Variants in RYR2 observed in about 807,000 individuals in gnomAD.
RYR2 encodes cardiac muscle ryanodine receptor-calcium release channel.
In RYR2, 227 loss-of-function variants were observed where a neutral mutation model predicts 601.1. The observed-to-expected ratio is 0.38, with a 90% confidence interval of 0.34 to 0.42. The LOEUF (loss-of-function observed/expected upper bound fraction) is 0.42, where lower values mean the gene tolerates loss of function less well. Among genes scored for constraint, RYR2 ranks in the 10% least tolerant of loss-of-function variants. The pLI is 1.00. For missense variants in RYR2, 4,646 were observed against 6,156.5 expected, an observed-to-expected ratio of 0.75 and a Z score of 8.21; for synonymous variants, 2,223 against 2,175.1, an observed-to-expected ratio of 1.02 and a Z score of -0.61.
At chr1:237,541,997 T>A (rs2148034823) in intron 25 of RYR2, among the ~76,000 whole-genome samples, 1 of 152,318 alleles carries the variant, frequency 6.6e-6, no homozygotes, top group African/African-American at 2.4e-5. Context: ...GGGGATGCGA[T>A]GGCTTGGCTT....
At chr1:237,069,489 GC>G (rs1240344375) in intron 1 of RYR2, among the ~76,000 whole-genome samples, 3 of 152,052 alleles carry the variant, frequency 2.0e-5, no homozygotes. Context: ...AATTATTAAT[GC>G]CTGTCATCCA....
intron 92 of RYR2, among the ~76,000 whole-genome samples, chr1:237,789,220 C>T (rs1204147548): frequency 1.3e-5 from 2 of 151,888 alleles, no homozygotes; most frequent in South Asian, 2.1e-4. Context: ...TGTTTTTTAG[C>T]CCTTGAGAAA....
intron 24 of RYR2, among the ~76,000 whole-genome samples, chr1:237,513,589 A>G (rs1666126860): frequency 6.6e-6 from 1 of 152,238 alleles, no homozygotes; most frequent in South Asian, 2.1e-4. Flanking sequence ...AAAAATTCCT[A>G]TAACTTATGA....
At chr1:237,261,257 C>T (rs1278125379) in intron 1 of RYR2, among the ~76,000 whole-genome samples, 2 of 152,168 alleles carry the variant, frequency 1.3e-5, no homozygotes, top group Non-Finnish European at 2.9e-5. Flanking sequence ...TTGCAGTGAC[C>T]CCCCTTGGGT....
At chr1:237,690,686 AC>A (rs1462548424) in intron 63 of RYR2, among the ~76,000 whole-genome samples, 13 of 152,092 alleles carry the variant, frequency 8.5e-5, no homozygotes, top group Non-Finnish European at 1.5e-4. Flanking sequence ...ACATGGCGAG[AC>A]CCCATCTCGA....
At chr1:237,448,699 T>C (rs1657690155) in intron 14 of RYR2, among the ~76,000 whole-genome samples, 1 of 152,128 alleles carries the variant, frequency 6.6e-6, no homozygotes, top group Non-Finnish European at 1.5e-5. Flanking sequence ...TTTGTTCTTT[T>C]GATGAACTGA....
At chr1:237,177,746 T>A (rs1678216378) in intron 1 of RYR2, among the ~76,000 whole-genome samples, 1 of 152,224 alleles carries the variant, frequency 6.6e-6, no homozygotes, top group South Asian at 2.1e-4. Context: ...CTATGAACAA[T>A]CTTGTATGTA....
intron 5 of RYR2, 29 bp from the exon 6 acceptor site, chr1:237,369,503 CTT>C: frequency 6.5e-7 from 1 of 1,537,904 alleles, no homozygotes; most frequent in Non-Finnish European, 8.8e-7. Context: ...GTTTTTCTCT[CTT>C]GTTCTCCTTT....
intron 6 of RYR2, among the ~76,000 whole-genome samples, chr1:237,370,660 C>CGT (rs1432055752): frequency 2.2e-5 from 3 of 135,110 alleles, no homozygotes; most frequent in African/African-American, 8.5e-5. Flanking sequence ...AGTTTCATTC[C>CGT]ATTTTTTTTT....
chr1:237,255,592 A>G (rs1687873543), intron 1 of RYR2, among the ~76,000 whole-genome samples: 1 of 152,194 alleles, frequency 6.6e-6, no homozygotes, highest in Non-Finnish European at 1.5e-5. Flanking sequence ...ATAGTTTGCC[A>G]TCACTACATA....
chr1:237,489,189 A>G (rs1663047998), intron 17 of RYR2, among the ~76,000 whole-genome samples: 1 of 152,182 alleles, frequency 6.6e-6, no homozygotes, highest in African/African-American at 2.4e-5. Context: ...GCAAAAGCCA[A>G]ATAACCCCAT....
intron 98 of RYR2, among the ~76,000 whole-genome samples, chr1:237,803,858 C>G (rs922495709): frequency 1.3e-5 from 2 of 152,114 alleles, no homozygotes; most frequent in Non-Finnish European, 2.9e-5. Flanking sequence ...TCCCTTCTAT[C>G]TTTACCACTT....
In RYR2 at chr1:237,503,717, G is replaced by A. The variant is rs532798894; in HGVS notation, c.2613+212G>A. ...TATTCTATTCTATGTTTTTGTTGTCGTTGTTGTTGTGATGGAGTCGTGCTC... is the reference window on the plus strand; with the variant it reads ...TATTCTATTCTATGTTTTTGTTGTCATTGTTGTTGTGATGGAGTCGTGCTC... On this transcript the variant is annotated intron_variant, in intron 22 of 104. Coordinates refer to ENST00000366574, the MANE Select transcript of RYR2 (RefSeq NM_001035.3). 1.6e-3 allele frequency among the ~76,000 whole-genome samples: 246 copies of A among 152,058 alleles called. 1 individual carries two copies. The highest frequency in any genetic ancestry group is 5.0e-3 in the African/African-American group (207 of 41,474).
At chr1:237,254,336 A>G (rs965688302) in intron 1 of RYR2, among the ~76,000 whole-genome samples, 44 of 152,224 alleles carry the variant, frequency 2.9e-4, no homozygotes, top group African/African-American at 1.0e-3. Flanking sequence ...ATCTTGAAAT[A>G]ATAGATTTTG....
intron 20 of RYR2, among the ~76,000 whole-genome samples, chr1:237,498,743 T>A (rs1330464014): frequency 6.6e-6 from 1 of 152,208 alleles, no homozygotes; most frequent in Non-Finnish European, 1.5e-5. Flanking sequence ...TACCTTTTAT[T>A]ACAAAGTATC....
At chr1:237,697,509 TA>T (rs1470144704) in intron 63 of RYR2, among the ~76,000 whole-genome samples, 1 of 145,678 alleles carries the variant, frequency 6.9e-6, no homozygotes, top group African/African-American at 2.5e-5. Flanking sequence ...AATATAATTA[TA>T]TATAATCTTT....
At chr1:237,675,353 C>G (rs915490587) in intron 60 of RYR2, among the ~76,000 whole-genome samples, 4 of 152,164 alleles carry the variant, frequency 2.6e-5, no homozygotes, top group Non-Finnish European at 5.9e-5. Flanking sequence ...CCAGTGCTGT[C>G]TCAAAATTTT....
chr1:237,722,960 A>T (rs1414005827), intron 73 of RYR2, among the ~76,000 whole-genome samples, 168 bp from the exon 74 acceptor site: 1 of 152,170 alleles, frequency 6.6e-6, no homozygotes. Context: ...TGTACATTAG[A>T]TCTCCAGACC....
chr1:237,095,071 C>T (rs1667379480), intron 1 of RYR2, among the ~76,000 whole-genome samples: 1 of 152,180 alleles, frequency 6.6e-6, no homozygotes, highest in Admixed American at 6.5e-5. Context: ...TAAGTAATGT[C>T]TTCAGGTTAT....
Sources: allele counts gnomAD v4.1 joint callset (sites outside exome capture counted in the v4.1 genomes callset), GRCh38; gene constraint gnomAD v4.1.1; transcripts MANE v1.5; gene names NCBI Gene and HGNC (gene_info 2026-07-23, HGNC 2026-07-21).